The following ZNF131 variants were observed in gnomAD, a reference collection of about 807,000 sequenced individuals.
ZNF131 encodes the protein zinc finger and BTB domain containing 35.
Under a neutral mutation model 60.0 loss-of-function variants are expected in ZNF131, and 7 were observed. That is an observed-to-expected ratio of 0.12 (90% CI 0.07 to 0.22). The LOEUF is 0.22. Ranked by LOEUF, ZNF131 falls within the 10% of genes least tolerant of loss-of-function variation. ZNF131 has a pLI of 1.00. For missense variants in ZNF131, 493 were observed against 740.9 expected (o/e 0.67, Z 3.88); for synonymous variants, 257 against 253.2 (o/e 1.01, Z -0.14).
intron 4 of ZNF131, among the ~76,000 whole-genome samples, chr5:43,146,770 G>A (rs1251389211): frequency 6.6e-6 from 1 of 152,120 alleles, no homozygotes; most frequent in African/African-American, 2.4e-5. Flanking sequence ...GCCGGACATG[G>A]TGGCGTGCGC....
intron 5 of ZNF131, among the ~76,000 whole-genome samples, chr5:43,168,512 GA>G (rs1477069775): frequency 6.6e-6 from 1 of 152,218 alleles, no homozygotes; most frequent in Non-Finnish European, 1.5e-5. Context: ...CATCATATGG[GA>G]GATCTAGAGT....
intron 5 of ZNF131, among the ~76,000 whole-genome samples, chr5:43,171,663 C>T (rs969353471): frequency 6.6e-6 from 1 of 152,152 alleles, no homozygotes. Flanking sequence ...CGCTCTGTCG[C>T]CCAAGCTAGA....
At chr5:43,143,141 A>G (rs541905671) in intron 4 of ZNF131, among the ~76,000 whole-genome samples, 3 of 150,454 alleles carry the variant, frequency 2.0e-5, no homozygotes, top group South Asian at 2.1e-4. Flanking sequence ...CTTTGCCTCA[A>G]TCTCCCGAGT....
rs534091953 is a variant in ZNF131, at chr5:43,171,904, G to A, written c.1055-1414G>A. Among the ~76,000 whole-genome samples, 7 of 152,244 alleles carry A rather than the reference G, an allele frequency of 4.6e-5. No homozygotes were observed. In the East Asian group the frequency reaches 1.4e-3, roughly 29 times the overall value. ...CAAAGTGCTGGGATTACGGGTGTGA[G>A]CCACCGCCCCGGGCCAGCCGTTTTA... On this transcript the variant is annotated intron_variant, in intron 5 of 6. Transcript: ENST00000682664.
chr5:43,122,200 G>T, intron 2 of ZNF131, 23 bp downstream of exon 2: 1 of 1,587,668 alleles, frequency 6.3e-7, no homozygotes, highest in Non-Finnish European at 8.5e-7. Context: ...GTGGGCAGAG[G>T]AGCGAATTTT....
chr5:43,131,652 T>G (rs917809797), intron 3 of ZNF131, among the ~76,000 whole-genome samples: 2 of 152,190 alleles, frequency 1.3e-5, no homozygotes, highest in Non-Finnish European at 2.9e-5. Flanking sequence ...CTAGCTAATA[T>G]AGTTTACATC....
At chr5:43,129,134 C>T (rs1744974315) in intron 3 of ZNF131, among the ~76,000 whole-genome samples, 1 of 144,216 alleles carries the variant, frequency 6.9e-6, no homozygotes, top group Non-Finnish European at 1.5e-5. Flanking sequence ...TAGGGTTTCA[C>T]CATGTTGGCC....
chr5:43,123,506 T>G, intron 3 of ZNF131, 196 bp downstream of exon 3: 1 of 420,824 alleles, frequency 2.4e-6, no homozygotes, highest in South Asian at 4.8e-5. Flanking sequence ...CTGAGAAGTC[T>G]TACTTTCAGT....
intron 3 of ZNF131, among the ~76,000 whole-genome samples, chr5:43,135,059 C>T (rs569573480): frequency 1.4e-4 from 21 of 150,428 alleles, no homozygotes; most frequent in East Asian, 9.9e-4. Flanking sequence ...AGTGCAATGG[C>T]GCAATCTCGG....
intron 3 of ZNF131, among the ~76,000 whole-genome samples, chr5:43,130,519 T>C (rs138049259): frequency 6.6e-6 from 1 of 152,156 alleles, no homozygotes; most frequent in Non-Finnish European, 1.5e-5. Flanking sequence ...GAGAAAAGTT[T>C]TGAAGTGGTT....
chr5:43,140,585 A>G (rs1382819736), intron 4 of ZNF131, among the ~76,000 whole-genome samples: 2 of 152,256 alleles, frequency 1.3e-5, no homozygotes, highest in Non-Finnish European at 2.9e-5. Context: ...CTCAATACAG[A>G]TCATTGGCCT....
At chr5:43,143,225 T>C (rs1277342306) in intron 4 of ZNF131, 1 of 279,724 alleles carries the variant, frequency 3.6e-6, no homozygotes, top group Non-Finnish European at 5.9e-6. Context: ...GTTTTCACCA[T>C]GTTGGCCAGG....
chr5:43,140,463 T>A (rs1383373925), intron 4 of ZNF131, among the ~76,000 whole-genome samples: 7 of 152,152 alleles, frequency 4.6e-5, no homozygotes, highest in Admixed American at 4.6e-4. Flanking sequence ...GGGATTTGAT[T>A]GTGAGGGTTG....
intron 5 of ZNF131, among the ~76,000 whole-genome samples, chr5:43,167,026 T>C (rs1265739192): frequency 6.6e-6 from 1 of 152,148 alleles, no homozygotes; most frequent in Admixed American, 6.5e-5. Flanking sequence ...GATTTCAATA[T>C]TGTTGCCTCT....
At chr5:43,130,568 T>C (rs1480063186) in intron 3 of ZNF131, among the ~76,000 whole-genome samples, 2 of 152,170 alleles carry the variant, frequency 1.3e-5, no homozygotes, top group African/African-American at 4.8e-5. Flanking sequence ...TAATTTTAAT[T>C]TTAATTTTTT....
At chr5:43,126,219 A>G (rs1744530719) in intron 3 of ZNF131, among the ~76,000 whole-genome samples, 1 of 152,196 alleles carries the variant, frequency 6.6e-6, no homozygotes, top group African/African-American at 2.4e-5. Flanking sequence ...TGTCATGGAC[A>G]TTTGAATATT....
At chr5:43,171,589 C>T (rs188841264) in intron 5 of ZNF131, among the ~76,000 whole-genome samples, 3 of 152,132 alleles carry the variant, frequency 2.0e-5, no homozygotes, top group Admixed American at 6.6e-5. Context: ...TGACATGCTC[C>T]CCTCTAGGTA....
chr5:43,139,333 T>C, intron 4 of ZNF131, 24 bp downstream of exon 4: 1 of 1,588,750 alleles, frequency 6.3e-7, no homozygotes. Context: ...TTAATGGGGT[T>C]CAGATAGTCA....
Position 43,175,388 on chromosome 5 carries a change from A to C in ZNF131, c.*255A>C. 1.5e-6 allele frequency: 1 copy of C among 685,890 alleles called. No homozygotes were observed. The highest frequency in any genetic ancestry group is 2.7e-5 in the East Asian group (1 of 37,180). 42.5% of individuals were successfully genotyped at this position (685,890 alleles called of 1,614,324 possible). A position where few individuals can be genotyped will look rare whatever the true frequency, so the allele number is the denominator to read the frequency against. On this transcript the variant is annotated 3_prime_UTR_variant, in exon 7 of 7. Coordinates refer to ENST00000682664, the MANE Select transcript of ZNF131 (RefSeq NM_001330707.2). Reference sequence around the variant, plus strand: ...GGAAACTTAAATGGATTATATTCTTATTATATAGTTGGGTACGAATGTATC... The same window carrying C: ...GGAAACTTAAATGGATTATATTCTTCTTATATAGTTGGGTACGAATGTATC...
Sources: allele counts gnomAD v4.1 joint callset (sites outside exome capture counted in the v4.1 genomes callset), GRCh38; gene constraint gnomAD v4.1.1; transcripts MANE v1.5; gene names NCBI Gene and HGNC (gene_info 2026-07-23, HGNC 2026-07-21).